Variants in METAP2 observed in about 807,000 individuals in gnomAD.
The protein encoded by METAP2 is methionine aminopeptidase 2.
In METAP2, 25 loss-of-function variants were observed where a neutral mutation model predicts 59.4. That is an observed-to-expected ratio of 0.42 (90% CI 0.31 to 0.59). The LOEUF is 0.59. Among genes scored for constraint, METAP2 ranks in the 20% least tolerant of loss-of-function variants. The pLI is 0.16. For missense variants in METAP2, 366 were observed against 581.2 expected (o/e 0.63, Z 3.81); for synonymous variants, 214 against 194.1 (o/e 1.10, Z -0.85).
At chr12:95,513,011 T>A (rs1380188241) in intron 10 of METAP2, 95 bp downstream of exon 10, 5 of 689,932 alleles carry the variant, frequency 7.2e-6, no homozygotes, top group South Asian at 3.7e-5. Context: ...CAAAATAGTA[T>A]ATTCATGAAT....
intron 2 of METAP2, among the ~76,000 whole-genome samples, chr12:95,477,184 A>G (rs1594408672): frequency 6.7e-6 from 1 of 150,314 alleles, no homozygotes; most frequent in South Asian, 2.1e-4. Flanking sequence ...GATCACTGCG[A>G]CCTCCCGAGC....
intron 10 of METAP2, among the ~76,000 whole-genome samples, chr12:95,513,133 A>AC (rs1491507370): frequency 2.9e-4 from 43 of 147,226 alleles, no homozygotes; most frequent in East Asian, 8.0e-4. Context: ...ACACACACAC[A>AC]AGTGCTCTCT....
chr12:95,494,883 A>C, intron 5 of METAP2, 74 bp from the exon 6 acceptor site: 2 of 1,222,100 alleles, frequency 1.6e-6, no homozygotes, highest in Non-Finnish European at 1.1e-6. Flanking sequence ...TCTGGACTTG[A>C]TGAACTATAT....
intron 4 of METAP2, among the ~76,000 whole-genome samples, chr12:95,486,736 A>G (rs1216620138): frequency 6.6e-6 from 1 of 152,172 alleles, no homozygotes; most frequent in Non-Finnish European, 1.5e-5. Flanking sequence ...ACCTCAGGTG[A>G]TCCGCCCACC....
At chr12:95,489,387 A>G (rs1376129819) in intron 4 of METAP2, among the ~76,000 whole-genome samples, 7 of 152,220 alleles carry the variant, frequency 4.6e-5, no homozygotes. Flanking sequence ...AATACTTCTC[A>G]AAGTAATTTT....
chr12:95,474,207 TC>T lies in METAP2; in HGVS notation c.30del (p.Ser12AlafsTer3). 1 of 1,614,030 alleles carries T rather than the reference TC, an allele frequency of 6.2e-7. No individual in the cohort carries two copies. The highest frequency in any genetic ancestry group is 8.5e-7 in the Non-Finnish European group (1 of 1,179,980). Reference sequence around the variant, plus strand: ...GGCGGGTGTGGAGGAGGTAGCGGCCTCCGGGAGCCACCTGAATGGCGACCTG... The same window carrying T: ...GGCGGGTGTGGAGGAGGTAGCGGCCTCGGGAGCCACCTGAATGGCGACCTG... MAGVEEVAA[S>X]GSHLNGDLDP... On this transcript the variant is annotated frameshift_variant, in exon 1 of 11. Transcript: ENST00000323666. LOFTEE classifies it high-confidence loss of function.
intron 4 of METAP2, among the ~76,000 whole-genome samples, chr12:95,493,246 CAG>C (rs997389870): frequency 1.7e-4 from 26 of 152,136 alleles, no homozygotes; most frequent in Admixed American, 9.2e-4. Context: ...GAGGCTGAGA[CAG>C]GGGGATCACT....
intron 7 of METAP2, among the ~76,000 whole-genome samples, chr12:95,498,122 G>A (rs1273754846): frequency 1.6e-4 from 24 of 146,494 alleles, no homozygotes; most frequent in African/African-American, 6.2e-4. Context: ...GACTGAGCGA[G>A]ACTCCATCTC....
Position 95,512,827 on chromosome 12 carries a change from C to G in METAP2, c.1095C>G (p.Thr365=), listed in dbSNP as rs3794261. Residue 365 remains threonine, a synonymous_variant, in exon 10 of 11, where the codon ACC becomes ACG. Transcript: ENST00000323666. ...AAGGAGAAGTATATGCAATTGAAAC[C>G]TTTGGTAGTACAGGAAAAGGTGTTG... is the stretch of plus-strand genomic sequence containing the variant. The part of the protein sequence containing the change: ...MEEGEVYAIE[T]FGSTGKGVVH... The G allele has an allele frequency of 6.2e-7, 1 of 1,609,380 alleles. No individual in the cohort carries two copies. Among genetic ancestry groups the G allele is most frequent in the African/African-American group, 1.3e-5 (1 of 74,792 alleles).
intron 7 of METAP2, among the ~76,000 whole-genome samples, chr12:95,503,723 C>G (rs778694879): frequency 6.6e-6 from 1 of 152,182 alleles, no homozygotes; most frequent in Non-Finnish European, 1.5e-5. Flanking sequence ...CGGTATGTAG[C>G]AGTGCTGCTA....
intron 1 of METAP2, among the ~76,000 whole-genome samples, chr12:95,475,606 T>C (rs1242392081): frequency 6.6e-6 from 1 of 152,224 alleles, no homozygotes; most frequent in Non-Finnish European, 1.5e-5. Flanking sequence ...TTGAGCGTTT[T>C]AGTTTTTTAG....
intron 3 of METAP2, 153 bp from the exon 4 acceptor site, chr12:95,485,726 A>G (rs1252624555): frequency 1.8e-6 from 1 of 544,234 alleles, no homozygotes; most frequent in East Asian, 3.3e-5. Flanking sequence ...GGAGGTGGCC[A>G]GCATGATGAA....
intron 2 of METAP2, chr12:95,482,179 A>G (rs1317619323): frequency 2.2e-6 from 1 of 452,728 alleles, no homozygotes; most frequent in Non-Finnish European, 4.4e-6. Context: ...GCTCGATCTC[A>G]GCTCACTGCA....
intron 8 of METAP2, among the ~76,000 whole-genome samples, chr12:95,511,067 C>G (rs1161850148): frequency 1.3e-5 from 2 of 152,024 alleles, no homozygotes; most frequent in Non-Finnish European, 2.9e-5. Flanking sequence ...CTATTCTGTC[C>G]TTGCTGTCAT....
chr12:95,476,178 G>A lies in METAP2; in HGVS notation c.259G>A (p.Asp87Asn). ...EDKERDEDDE[D>N]GDGDGDGATG... ...TAAAGAAAGAGATGAAGATGATGAA[G>A]GTAAATGGTTAATTTGATCTTTGTG... is the stretch of plus-strand genomic sequence containing the variant. Residue 87 changes from aspartate to asparagine, a missense_variant and splice_region_variant, in exon 2 of 11, where the codon GAT (aspartate) becomes AAT (asparagine). This residue lies in a region of METAP2 where 177 missense variants were observed against 180.3 expected (regional missense o/e 0.98). Transcript: ENST00000323666. The A allele has an allele frequency of 6.4e-7, 1 of 1,573,498 alleles. No homozygotes were observed. The highest frequency in any genetic ancestry group is 8.7e-7 in the Non-Finnish European group (1 of 1,149,508).
chr12:95,505,784 C>T (rs1024516851), intron 8 of METAP2, among the ~76,000 whole-genome samples: 3 of 151,582 alleles, frequency 2.0e-5, no homozygotes, highest in Non-Finnish European at 4.4e-5. Context: ...CATGAGCCAC[C>T]GTGCCCAACT....
intron 5 of METAP2, 114 bp from the exon 6 acceptor site, chr12:95,494,843 C>A: frequency 1.4e-6 from 1 of 705,490 alleles, no homozygotes; most frequent in Non-Finnish European, 2.2e-6. Flanking sequence ...AGATCATTCC[C>A]AGAAGGTATT....
intron 8 of METAP2, among the ~76,000 whole-genome samples, chr12:95,508,578 A>G (rs939599460): frequency 1.5e-4 from 23 of 152,156 alleles, no homozygotes; most frequent in African/African-American, 5.6e-4. Flanking sequence ...CTCTAGAGTT[A>G]GTTATTTCTC....
rs201323246 is a variant in METAP2 at position 95,494,058 on chromosome 12, G to A, written c.431G>A (p.Arg144Gln). 2.6e-5 allele frequency: 42 copies of A among 1,613,476 alleles called. No homozygotes were observed. Among genetic ancestry groups the A allele is most frequent in the South Asian group, 5.5e-5 (5 of 90,992 alleles). ...ECEYPPTQDGRTAAWRTTSEE... is the reference protein window; with the variant it reads ...ECEYPPTQDGQTAAWRTTSEE... The stretch of plus-strand genomic sequence containing the variant: ...AGTATTCTATGCCCACTCTAAAGGC[G>A]AACAGCTGCTTGGAGAACTACAAGT... Residue 144 changes from arginine to glutamine, a missense_variant and splice_region_variant, in exon 5 of 11, where the codon CGA becomes CAA. Physicochemically the swap from Arg to Gln is conservative, Grantham distance 43. This residue lies in a region of METAP2 where 177 missense variants were observed against 180.3 expected (regional missense o/e 0.98). Transcript: ENST00000323666.
Sources: gnomAD v4.1 joint callset for allele counts (sites outside exome capture counted in the v4.1 genomes callset) on GRCh38, gnomAD v4.1.1 for gene constraint, gnomAD v4.1.1 regional missense constraint, MANE v1.5 for transcripts, NCBI Gene and HGNC (gene_info 2026-07-23, HGNC 2026-07-21) for gene names.